Variants in FREM1 observed in about 807,000 individuals in gnomAD.
The protein encoded by FREM1 is FRAS1 related extracellular matrix 1.
In FREM1, 220 loss-of-function variants were observed where a neutral mutation model predicts 210.1. The observed-to-expected ratio is 1.05, with a 90% confidence interval of 0.94 to 1.17. The LOEUF is 1.17. FREM1 is among the 50% of genes most tolerant of loss of function. FREM1 has a pLI of 0.00. For missense variants in FREM1, 3,454 were observed against 2,675.5 expected (o/e 1.29, Z -6.42); for synonymous variants, 1,189 against 980.2 (o/e 1.21, Z -3.98).
chr9:14,789,400 A>G (rs1308982016), intron 22 of FREM1, among the ~76,000 whole-genome samples: 1 of 152,206 alleles, frequency 6.6e-6, no homozygotes, highest in Non-Finnish European at 1.5e-5. Flanking sequence ...AAGCAACCAT[A>G]GCTGATTGAA....
chr9:14,784,485 C>A lies in FREM1; in HGVS notation c.4327G>T (p.Glu1443Ter). 6.2e-7 allele frequency: 1 copy of A among 1,613,854 alleles called. No individual in the cohort carries two copies. The highest frequency in any genetic ancestry group is 8.5e-7 in the Non-Finnish European group (1 of 1,179,844). Residue 1443 changes from glutamate to a stop codon, truncating the protein, a stop_gained, in exon 24 of 37, where the codon GAA (glutamate) becomes TAA (stop). Transcript: ENST00000380880. LOFTEE classifies it high-confidence loss of function. ...ITSPPRYGQI[E>*]YVHYPGVPIT... ...GGAACTCCAGGATAGTGAACATATT[C>A]GATCTGGCCATATCGCGGAGGGGAG...
At chr9:14,841,640 C>A in intron 9 of FREM1, 51 bp from the exon 10 acceptor site, 2 of 1,401,664 alleles carry the variant, frequency 1.4e-6, no homozygotes, top group South Asian at 3.5e-5. Context: ...TATCAAATAT[C>A]GAGGGACAAT....
rs1027902587 is a variant in FREM1 at position 14,859,043 on chromosome 9, C to A, written c.631+140G>T. ...GGTCTTTCTGATTGTAAAGTCTGTG[C>A]TCTTAACCACTAACTGACACTGTTC... On this transcript the variant is annotated intron_variant, in intron 4 of 36. Coordinates refer to ENST00000380880, the MANE Select transcript of FREM1 (RefSeq NM_001379081.2). The A allele has an allele frequency of 6.7e-6, 4 of 599,850 alleles. No homozygotes were observed. The African/African-American group carries it at 7.4e-5, about 11-fold the overall frequency. 37.2% of individuals were successfully genotyped at this position (599,850 alleles called of 1,614,324 possible).
At chr9:14,738,943 G>C (rs1840913882) in intron 36 of FREM1, among the ~76,000 whole-genome samples, 1 of 138,364 alleles carries the variant, frequency 7.2e-6, no homozygotes, top group African/African-American at 2.7e-5. Context: ...CCAGGGGGCG[G>C]AAGTTGCAGT....
intron 31 of FREM1, 71 bp downstream of exon 31, chr9:14,748,330 A>G (rs1192390962): frequency 1.1e-6 from 1 of 872,518 alleles, no homozygotes; most frequent in Non-Finnish European, 1.8e-6. Context: ...GTTTCAGAAT[A>G]CTTATTAATA....
At chr9:14,746,503 G>C (rs1387423742) in intron 34 of FREM1, 35 bp from the exon 35 acceptor site, 2 of 1,529,624 alleles carry the variant, frequency 1.3e-6, no homozygotes, top group Non-Finnish European at 1.8e-6. Flanking sequence ...TATCATAATG[G>C]TCTTTACAAT....
chr9:14,858,755 T>C (rs972975842), intron 4 of FREM1, among the ~76,000 whole-genome samples: 2 of 152,268 alleles, frequency 1.3e-5, no homozygotes, highest in Admixed American at 6.5e-5. Context: ...CCACTAGCTT[T>C]ACTTCAAATT....
chr9:14,782,576 G>A (rs1022284662), intron 24 of FREM1, among the ~76,000 whole-genome samples: 2 of 152,160 alleles, frequency 1.3e-5, no homozygotes, highest in African/African-American at 4.8e-5. Flanking sequence ...AAGCCAAGAA[G>A]CACCCAGCCT....
chr9:14,904,165 T>C (rs1817277038), intron 1 of FREM1, among the ~76,000 whole-genome samples: 1 of 151,210 alleles, frequency 6.6e-6, no homozygotes, highest in Admixed American at 6.6e-5. Flanking sequence ...GATTCTGGGT[T>C]ATAGAGACTA....
intron 5 of FREM1, among the ~76,000 whole-genome samples, chr9:14,852,429 T>G (rs139245400): frequency 6.6e-6 from 1 of 152,262 alleles, no homozygotes; most frequent in African/African-American, 2.4e-5. Flanking sequence ...AGCTCACGCC[T>G]GCAATCCCAG....
chr9:14,840,832 G>T (rs1161153794), intron 10 of FREM1, among the ~76,000 whole-genome samples: 2 of 152,044 alleles, frequency 1.3e-5, no homozygotes, highest in African/African-American at 4.8e-5. Flanking sequence ...TTTCTATATG[G>T]CAATGTTTGC....
At chr9:14,818,814 T>G (rs933656712) in intron 14 of FREM1, among the ~76,000 whole-genome samples, 1 of 152,186 alleles carries the variant, frequency 6.6e-6, no homozygotes, top group Admixed American at 6.5e-5. Context: ...ATTAAGGACA[T>G]TGATCAACAG....
intron 36 of FREM1, among the ~76,000 whole-genome samples, chr9:14,738,325 T>C (rs1201842095): frequency 6.6e-6 from 1 of 152,146 alleles, no homozygotes; most frequent in Non-Finnish European, 1.5e-5. Context: ...ATTCCCCAAA[T>C]CAAATTTGAC....
rs1818511538 is a variant in FREM1, at chr9:14,910,339, C to T, written c.-693G>A. On this transcript the variant is annotated 5_prime_UTR_variant, in exon 1 of 37. Transcript: ENST00000380880. The stretch of plus-strand genomic sequence containing the variant: ...CCCCGTGCCTTCTGCTGGTTGGGTC[C>T]GCAGGGACAAAACTGAGCTTTTGTT... The T allele has an allele frequency of 6.6e-6, 1 of 152,330 alleles. No homozygotes were observed. Among genetic ancestry groups the T allele is most frequent in the Admixed American group, 6.5e-5 (1 of 15,282 alleles). 9.4% of individuals were successfully genotyped at this position (152,330 alleles called of 1,614,324 possible).
chr9:14,883,291 C>A (rs1364907468), intron 1 of FREM1, among the ~76,000 whole-genome samples: 1 of 152,134 alleles, frequency 6.6e-6, no homozygotes, highest in African/African-American at 2.4e-5. Flanking sequence ...GTAACAATTT[C>A]CAAATTCAAA....
Position 14,801,848 on chromosome 9 carries a change from C to T in FREM1, c.3498G>A (p.Leu1166=). The T allele has an allele frequency of 6.2e-7, 1 of 1,613,394 alleles. No homozygotes were observed. ...ITVCEGQMKE[L]DSSIISAVDL... ...CCACAGCGCTGATGATGGAAGAGTCCAGCTCTTTCATCTGACCCTCACACA... is the reference window on the plus strand; with the variant it reads ...CCACAGCGCTGATGATGGAAGAGTCTAGCTCTTTCATCTGACCCTCACACA... The change falls in exon 20 of 37, where the codon CTG becomes CTA. Residue 1166 remains leucine (L), a synonymous_variant. Coordinates refer to ENST00000380880, the MANE Select transcript of FREM1 (RefSeq NM_001379081.2).
chr9:14,740,219 A>G lies in FREM1; in HGVS notation c.6270T>C (p.Leu2090=). ...QACREQYLGN[L]VTVFSRQHMR... ...TGTGCTGCCTGGAGAATACAGTTAC[A>G]AGGTTGCCCAGGTATCTAAATGCAA... is the stretch of plus-strand genomic sequence containing the variant. The change falls in exon 36 of 37, where the codon CTT becomes CTC. Residue 2090 remains leucine, a synonymous_variant. Transcript: ENST00000380880. The G allele has an allele frequency of 6.2e-7, 1 of 1,612,786 alleles. No homozygotes were observed. Among genetic ancestry groups the G allele is most frequent in the Non-Finnish European group, 8.5e-7 (1 of 1,179,096 alleles).
chr9:14,777,808 G>C (rs145209214), intron 24 of FREM1, among the ~76,000 whole-genome samples: 1 of 152,138 alleles, frequency 6.6e-6, no homozygotes, highest in East Asian at 1.9e-4. Context: ...ATTAGATAGT[G>C]TGAAAGCAAC....
rs775845478 is a variant in FREM1, at chr9:14,861,503, C to CTT, written c.330-2021_330-2020dup. ...TTGAGCATTCCCTCAAGCATTTATC[C>CTT]TTTTTTTTTTTTTTTTTTTTTGAGA... On this transcript the variant is annotated intron_variant, in intron 3 of 36. Coordinates refer to ENST00000380880, the MANE Select transcript of FREM1 (RefSeq NM_001379081.2). Among the ~76,000 whole-genome samples, 390 of 114,840 alleles carry CTT rather than the reference C, an allele frequency of 3.4e-3. 1 individual carries two copies. Among genetic ancestry groups the CTT allele is most frequent in the African/African-American group, 9.6e-3 (288 of 30,126 alleles). 75.3% of individuals were successfully genotyped at this position (114,840 alleles called of 152,430 possible). A position where few individuals can be genotyped will look rare whatever the true frequency, so the allele number is the denominator to read the frequency against.
Sources: allele counts gnomAD v4.1 joint callset (sites outside exome capture counted in the v4.1 genomes callset), GRCh38; gene constraint gnomAD v4.1.1; transcripts MANE v1.5; gene names NCBI Gene and HGNC (gene_info 2026-07-23, HGNC 2026-07-21).